The following TBCD variants were observed in gnomAD, a reference collection of about 807,000 sequenced individuals.
The protein encoded by TBCD is tubulin folding cofactor D, also known as tubulin-specific chaperone D.
A neutral mutation model predicts 169.3 loss-of-function variants in TBCD; 105 were observed. That is an observed-to-expected ratio of 0.62 (90% CI 0.53 to 0.73). TBCD has a LOEUF of 0.73. Ranked by LOEUF, TBCD falls within the 30% of genes least tolerant of loss-of-function variation. The pLI is 0.00. For synonymous variants in TBCD, 700 were observed against 643.9 expected (o/e 1.09, Z -1.32); for missense variants, 1,444 against 1,600.1 (o/e 0.90, Z 1.66).
intron 13 of TBCD, among the ~76,000 whole-genome samples, chr17:82,862,164 T>C (rs1371973725): frequency 2.6e-5 from 4 of 152,146 alleles, no homozygotes; most frequent in Non-Finnish European, 4.4e-5. Flanking sequence ...CCTCATGATC[T>C]GCCCGCCTCA....
chr17:82,937,407 C>T lies in TBCD; in HGVS notation c.3281+47C>T, dbSNP rs774048662. On this transcript the variant is annotated intron_variant, in intron 35 of 38. Transcript: ENST00000355528. ...CCTTAGACGGAATGGCAGGGCGCAG[C>T]CTCCCTTGGCTGAGGGCAGGAGTCC... The T allele has an allele frequency of 4.5e-6, 7 of 1,568,592 alleles. No individual in the cohort carries two copies. In the South Asian group the frequency reaches 6.7e-5, roughly 15 times the overall value.
intron 6 of TBCD, among the ~76,000 whole-genome samples, chr17:82,776,237 C>T (rs1345522531): frequency 2.0e-5 from 3 of 151,962 alleles, no homozygotes; most frequent in Admixed American, 1.3e-4. Context: ...AAGAGGTACG[C>T]TGTATGCAGA....
rs867153840 is a variant in TBCD at position 82,885,252 on chromosome 17, C to T, written c.1533+1050C>T. Reference sequence around the variant, plus strand: ...GACCGGTGATGGTTTCCTGTCAGCCCTGCAGTGTGTGGCCCCTGGTGAGTG... The same window carrying T: ...GACCGGTGATGGTTTCCTGTCAGCCTTGCAGTGTGTGGCCCCTGGTGAGTG... On this transcript the variant is annotated intron_variant, in intron 15 of 38. Coordinates refer to ENST00000355528, the MANE Select transcript of TBCD (RefSeq NM_005993.5). 5.9e-5 allele frequency among the ~76,000 whole-genome samples: 9 copies of T among 152,234 alleles called. No individual in the cohort carries two copies. In the South Asian group the frequency reaches 6.2e-4, roughly 11 times the overall value.
intron 17 of TBCD, among the ~76,000 whole-genome samples, chr17:82,894,846 G>A (rs916128821): frequency 2.6e-5 from 4 of 152,112 alleles, no homozygotes; most frequent in Admixed American, 6.5e-5. Context: ...GCGTGGTGGC[G>A]GGTGCCTGTA....
At chr17:82,758,393 A>AT (rs1181184963) in intron 2 of TBCD, among the ~76,000 whole-genome samples, 52 of 138,146 alleles carry the variant, frequency 3.8e-4, no homozygotes, top group African/African-American at 1.4e-3. Flanking sequence ...GGAAAAAAAA[A>AT]AAAAAAAAAA....
chr17:82,760,127 G>T (rs2047677849), intron 2 of TBCD, among the ~76,000 whole-genome samples: 1 of 151,734 alleles, frequency 6.6e-6, no homozygotes, highest in Non-Finnish European at 1.5e-5. Context: ...GCCCGCCTTG[G>T]CCTCCCAAAG....
chr17:82,809,459 G>T (rs1057439419), intron 11 of TBCD, among the ~76,000 whole-genome samples: 9 of 152,174 alleles, frequency 5.9e-5, no homozygotes, highest in Non-Finnish European at 1.3e-4. Context: ...GCGTTACAGT[G>T]GTACATGGTG....
intron 13 of TBCD, among the ~76,000 whole-genome samples, chr17:82,840,927 G>T (rs985704062): frequency 2.0e-5 from 3 of 147,618 alleles, no homozygotes; most frequent in Non-Finnish European, 4.5e-5. Flanking sequence ...GTGGCATAGG[G>T]ACGAGCTGGC....
chr17:82,771,316 A>C (rs953849676), intron 5 of TBCD, among the ~76,000 whole-genome samples: 1 of 152,002 alleles, frequency 6.6e-6, no homozygotes, highest in Non-Finnish European at 1.5e-5. Context: ...TCTACCAAAA[A>C]ATAAAAGAAA....
In TBCD at chr17:82,942,668, A is replaced by T; in HGVS notation, c.*205A>T. ...GGTGGACGCCTCTGCCTTCACTTGA[A>T]CACAAATGTGCTTCCTATAAAATCA... is the stretch of plus-strand genomic sequence containing the variant. On this transcript the variant is annotated 3_prime_UTR_variant, in exon 39 of 39. Coordinates refer to ENST00000355528, the MANE Select transcript of TBCD (RefSeq NM_005993.5). The T allele has an allele frequency of 1.6e-6, 1 of 631,534 alleles. No homozygotes were observed. The highest frequency in any genetic ancestry group is 1.8e-5 in the African/African-American group (1 of 54,490). The allele number at this position is 631,534 out of a possible 1,614,324, so 39.1% of individuals were successfully genotyped here.
At position 82,789,803 on chromosome 17, in the gene TBCD, C is replaced by A. The variant is rs1015045945; in HGVS notation, c.772-7954C>A. Among the ~76,000 whole-genome samples, 1 of 152,214 alleles carries A rather than the reference C, an allele frequency of 6.6e-6. No individual in the cohort carries two copies. The highest frequency in any genetic ancestry group is 2.4e-5 in the African/African-American group (1 of 41,452). ...TCCTTCTGTGGACCCGTTGGGTACA[C>A]GTGTGACACTTCAGAACCCGCAAGT... On this transcript the variant is annotated intron_variant, in intron 7 of 38. Transcript: ENST00000355528. This position sits in a 1 kb window ranked among gnomAD's most constrained non-coding sequence, Gnocchi z 4.8.
chr17:82,919,984 A>C (rs1461975224), intron 23 of TBCD, among the ~76,000 whole-genome samples: 1 of 152,162 alleles, frequency 6.6e-6, no homozygotes, highest in East Asian at 1.9e-4. Flanking sequence ...TTAGGTAGAG[A>C]CGGTGGGAGC....
At chr17:82,769,630 A>G (rs777304664) in intron 5 of TBCD, among the ~76,000 whole-genome samples, 51 of 152,166 alleles carry the variant, frequency 3.4e-4, no homozygotes, top group Admixed American at 9.2e-4. Context: ...TAATCCCAGC[A>G]CTTTGGGAGG....
At chr17:82,897,892 CTG>C (rs1244335278) in intron 17 of TBCD, among the ~76,000 whole-genome samples, 1 of 152,210 alleles carries the variant, frequency 6.6e-6, no homozygotes, top group East Asian at 1.9e-4. Context: ...CGGCACAGCT[CTG>C]TTCTCCCCGG....
intron 7 of TBCD, among the ~76,000 whole-genome samples, chr17:82,784,888 A>C (rs1476315648): frequency 6.6e-6 from 1 of 152,150 alleles, no homozygotes; most frequent in Non-Finnish European, 1.5e-5. Context: ...GCAGTGGGAA[A>C]GGGGTACGTG....
chr17:82,859,470 G>A (rs1279158099), intron 13 of TBCD: 1 of 873,708 alleles, frequency 1.1e-6, no homozygotes, highest in Non-Finnish European at 1.4e-6. Context: ...TGCCAGCTCT[G>A]TGTCCTCCCT....
Position 82,923,071 on chromosome 17 carries a change from G to GC in TBCD, c.2179-576dup, listed in dbSNP as rs1461428369. On this transcript the variant is annotated intron_variant, in intron 25 of 38. Coordinates refer to ENST00000355528, the MANE Select transcript of TBCD (RefSeq NM_005993.5). The surrounding 1 kb of genome is among the most constrained non-coding windows in gnomAD (Gnocchi z 4.6). ...CGGCCCCAACTCCTGTTCCCAGTGCGCCCCCGGAGCCCTGTCTCTCTAAAT... is the reference window on the plus strand; with the variant it reads ...CGGCCCCAACTCCTGTTCCCAGTGCGCCCCCCGGAGCCCTGTCTCTCTAAAT... Among the ~76,000 whole-genome samples the GC allele has an allele frequency of 6.6e-6, 1 of 152,178 alleles. No individual in the cohort carries two copies. Among genetic ancestry groups the GC allele is most frequent in the Non-Finnish European group, 1.5e-5 (1 of 68,036 alleles).
Position 82,806,126 on chromosome 17 carries a change from G to A in TBCD, c.1087+115G>A, listed in dbSNP as rs146590278. ...TGGTGCCGGCACTGTCTGGCCACCC[G>A]TCCCCTTCGCTGAGTGCACGGTCAC... is the stretch of plus-strand genomic sequence containing the variant. On this transcript the variant is annotated intron_variant, in intron 10 of 38. Transcript: ENST00000355528. The surrounding 1 kb of genome is among the most constrained non-coding windows in gnomAD (Gnocchi z 5.1). 1.5e-5 allele frequency: 22 copies of A among 1,423,502 alleles called. No individual in the cohort carries two copies. The highest frequency in any genetic ancestry group is 2.5e-5 in the East Asian group (1 of 40,354). The allele number at this position is 1,423,502 out of a possible 1,614,324, so 88.2% of individuals were successfully genotyped here. A position where few individuals can be genotyped will look rare whatever the true frequency, so the allele number is the denominator to read the frequency against.
chr17:82,937,429 G>C, intron 35 of TBCD, 69 bp downstream of exon 35: 2 of 1,393,534 alleles, frequency 1.4e-6, no homozygotes, highest in South Asian at 2.3e-5. Flanking sequence ...GAGGGCAGGA[G>C]TCCACGGCTC....
Sources: gnomAD v4.1 joint callset for allele counts (sites outside exome capture counted in the v4.1 genomes callset) on GRCh38, gnomAD v4.1.1 for gene constraint, Gnocchi (gnomAD v3.1) non-coding constraint, MANE v1.5 for transcripts, NCBI Gene and HGNC (gene_info 2026-07-23, HGNC 2026-07-21) for gene names.